Variants in RBFOX1 observed in about 807,000 individuals in gnomAD.
RBFOX1 encodes the protein RNA binding fox-1 homolog 1.
Under a neutral mutation model 57.7 loss-of-function variants are expected in RBFOX1, and 8 were observed. That is an observed-to-expected ratio of 0.14 (90% CI 0.08 to 0.25). The LOEUF (loss-of-function observed/expected upper bound fraction) is 0.25, where lower values mean the gene tolerates loss of function less well. Among genes scored for constraint, RBFOX1 ranks in the 10% least tolerant of loss-of-function variants. The probability of loss-of-function intolerance (pLI) is 1.00; values close to 1 mark genes in which losing one functional copy is unlikely to be tolerated. For synonymous variants in RBFOX1, 326 were observed against 222.4 expected, an observed-to-expected ratio of 1.47 and a Z score of -4.15; for missense variants, 611 against 548.5, an observed-to-expected ratio of 1.11 and a Z score of -1.14.
chr16:6,797,750 C>A (rs117589188), intron 3 of RBFOX1, among the ~76,000 whole-genome samples: 1,728 of 152,194 alleles, frequency 0.011, 19 homozygotes, highest in Middle Eastern at 0.024. Flanking sequence ...TCTTGGGGTC[C>A]ATTATACCTG....
chr16:5,634,025 C>G (rs1272776598), intron 3 of RBFOX1, among the ~76,000 whole-genome samples: 1 of 152,196 alleles, frequency 6.6e-6, no homozygotes, highest in Non-Finnish European at 1.5e-5. Flanking sequence ...GGTGTTTCCT[C>G]TACTGCCATC....
chr16:5,472,941 G>T (rs1186862635), intron 2 of RBFOX1, among the ~76,000 whole-genome samples: 2 of 152,108 alleles, frequency 1.3e-5, no homozygotes, highest in Non-Finnish European at 2.9e-5. Flanking sequence ...AAGTCCCAAG[G>T]CTTCCCGTTG....
intron 1 of RBFOX1, among the ~76,000 whole-genome samples, chr16:6,305,759 A>G (rs116176792): frequency 0.016 from 2,471 of 151,960 alleles, 77 homozygotes; most frequent in African/African-American, 0.057. Flanking sequence ...GATGGACAGT[A>G]ACTCACCCAA....
At chr16:5,920,058 C>G (rs772930814) in intron 4 of RBFOX1, among the ~76,000 whole-genome samples, 4 of 152,206 alleles carry the variant, frequency 2.6e-5, no homozygotes, top group Non-Finnish European at 4.4e-5. Context: ...CTCAGCCTCC[C>G]GAGTAGCGGG....
chr16:7,537,838 A>G (rs780961338), intron 5 of RBFOX1, among the ~76,000 whole-genome samples: 3 of 152,226 alleles, frequency 2.0e-5, no homozygotes, highest in East Asian at 1.9e-4. Context: ...GCATTGGAAA[A>G]CAATTCTGGA....
chr16:6,971,894 A>G (rs2085633140), intron 3 of RBFOX1, among the ~76,000 whole-genome samples: 1 of 152,098 alleles, frequency 6.6e-6, no homozygotes, highest in Non-Finnish European at 1.5e-5. Context: ...CCTTTACATC[A>G]GCAGCCTCAG....
chr16:6,391,889 T>C (rs1473953625), intron 2 of RBFOX1, among the ~76,000 whole-genome samples: 1 of 152,190 alleles, frequency 6.6e-6, no homozygotes, highest in Non-Finnish European at 1.5e-5. Flanking sequence ...CTCTAATAAA[T>C]GCATGAACAA....
chr16:7,202,154 C>G lies in RBFOX1; in HGVS notation c.27+150056C>G, dbSNP rs867400340. ...CAACTTGATTAAAATGGTTAAAGGA[C>G]TTGAATAGACATTTCTTCAAAGAAC... On this transcript the variant is annotated intron_variant, in intron 4 of 15. Coordinates refer to ENST00000550418, the MANE Select transcript of RBFOX1 (RefSeq NM_018723.4). 4.6e-5 allele frequency among the ~76,000 whole-genome samples: 7 copies of G among 152,134 alleles called. No individual in the cohort carries two copies. The South Asian group carries it at 1.5e-3, about 32-fold the overall frequency.
chr16:7,598,297 A>G (rs1056248864), intron 9 of RBFOX1, among the ~76,000 whole-genome samples: 1 of 151,982 alleles, frequency 6.6e-6, no homozygotes, highest in Non-Finnish European at 1.5e-5. Context: ...AAAAATTGAC[A>G]TAAATGTTTG....
At chr16:6,725,903 T>G (rs2067067697) in intron 3 of RBFOX1, among the ~76,000 whole-genome samples, 1 of 152,188 alleles carries the variant, frequency 6.6e-6, no homozygotes, top group Non-Finnish European at 1.5e-5. Context: ...GTAATTCAGT[T>G]TGATATTGTC....
At chr16:6,159,202 G>A (rs1453272808) in intron 1 of RBFOX1, among the ~76,000 whole-genome samples, 3 of 151,902 alleles carry the variant, frequency 2.0e-5, no homozygotes, top group Admixed American at 1.3e-4. Context: ...TCGGCCTCCC[G>A]AGTAGATGGG....
chr16:6,128,611 T>C (rs1179001999), intron 1 of RBFOX1, among the ~76,000 whole-genome samples: 2 of 152,078 alleles, frequency 1.3e-5, no homozygotes, highest in Admixed American at 6.5e-5. Flanking sequence ...GATTCTGAAG[T>C]GGAATCGTTT....
chr16:6,787,806 T>C (rs533697182), intron 3 of RBFOX1, among the ~76,000 whole-genome samples: 20 of 152,316 alleles, frequency 1.3e-4, no homozygotes, highest in African/African-American at 4.8e-4. Flanking sequence ...TAATACAACT[T>C]AATCCACGTC....
intron 4 of RBFOX1, among the ~76,000 whole-genome samples, chr16:7,197,440 GAAAAA>G (rs57893229): frequency 2.2e-5 from 2 of 91,326 alleles, no homozygotes; most frequent in South Asian, 8.7e-4. Context: ...CCTGTGAGTG[GAAAAA>G]AAAAAAAAAA....
chr16:7,651,116 A>AT (rs1188511857), intron 11 of RBFOX1, among the ~76,000 whole-genome samples: 4 of 152,232 alleles, frequency 2.6e-5, no homozygotes, highest in African/African-American at 9.6e-5. Flanking sequence ...TACAAATAGA[A>AT]AGACGGAATC....
At chr16:7,643,224 G>A (rs1317264620) in intron 11 of RBFOX1, among the ~76,000 whole-genome samples, 1 of 152,166 alleles carries the variant, frequency 6.6e-6, no homozygotes, top group African/African-American at 2.4e-5. Flanking sequence ...TTTTGCTGTT[G>A]CTTTAATTTG....
intron 3 of RBFOX1, among the ~76,000 whole-genome samples, chr16:5,842,885 C>A (rs939543202): frequency 6.6e-6 from 1 of 152,068 alleles, no homozygotes; most frequent in Admixed American, 6.5e-5. Flanking sequence ...GTGGCATGAT[C>A]CTGGCTCACT....
chr16:6,431,507 C>T (rs907913273), intron 2 of RBFOX1, among the ~76,000 whole-genome samples: 36 of 152,056 alleles, frequency 2.4e-4, no homozygotes, highest in African/African-American at 5.5e-4. Context: ...TAAATGTCTG[C>T]TCAGTTGGCA....
chr16:6,018,338 C>G (rs151058439), upstream of RBFOX1, among the ~76,000 whole-genome samples: 2 of 152,164 alleles, frequency 1.3e-5, no homozygotes, highest in African/African-American at 4.8e-5. Context: ...GGATAAACCT[C>G]CAGTATCTAC....
Sources: allele counts gnomAD v4.1 joint callset (sites outside exome capture counted in the v4.1 genomes callset), GRCh38; gene constraint gnomAD v4.1.1; transcripts MANE v1.5; gene names NCBI Gene and HGNC (gene_info 2026-07-23, HGNC 2026-07-21).